ORC5: variants seen among roughly 807,000 people sequenced by gnomAD.
ORC5 encodes the protein protein phosphatase 1, regulatory subunit 117.
A neutral mutation model predicts 58.8 loss-of-function variants in ORC5; 39 were observed. That is an observed-to-expected ratio of 0.66 (90% CI 0.51 to 0.87). The LOEUF is 0.87. Among genes scored for constraint, ORC5 ranks in the 40% least tolerant of loss-of-function variants. The pLI is 0.00. For synonymous variants in ORC5, 218 were observed against 177.6 expected, an observed-to-expected ratio of 1.23 and a Z score of -1.81; for missense variants, 493 against 506.3, an observed-to-expected ratio of 0.97 and a Z score of 0.25.
Position 104,136,699 on chromosome 7 carries a change from A to T in ORC5, c.1262+82T>A. 1 of 850,198 alleles carries T rather than the reference A, an allele frequency of 1.2e-6. No individual in the cohort carries two copies. Among genetic ancestry groups the T allele is most frequent in the Non-Finnish European group, 1.9e-6 (1 of 518,366 alleles). The allele number at this position is 850,198 out of a possible 1,614,324, so 52.7% of individuals were successfully genotyped here. On this transcript the variant is annotated intron_variant, in intron 13 of 13. Coordinates refer to ENST00000297431, the MANE Select transcript of ORC5 (RefSeq NM_002553.4). The surrounding 1 kb of genome is among the most constrained non-coding windows in gnomAD (Gnocchi z 4.2). ...TAAATAGATGATTTTTTCATGTTTA[A>T]ATGTCATGACTAATGACATCACATT...
rs375969392 is a variant in ORC5, at chr7:104,200,928, A to G, written c.196T>C (p.Cys66Arg). ...TCCAAAAGCAGCCTCAATGTAAAGCATTCAACACAATTCACAAACACATGT... is the reference window on the plus strand; with the variant it reads ...TCCAAAAGCAGCCTCAATGTAAAGCGTTCAACACAATTCACAAACACATGT... ...LPHVFVNCVE[C>R]FTLRLLLEQI... The change falls in exon 3 of 14, where the codon TGC becomes CGC. Residue 66 changes from cysteine to arginine, a missense_variant. Coordinates refer to ENST00000297431, the MANE Select transcript of ORC5 (RefSeq NM_002553.4). The G allele has an allele frequency of 5.0e-6, 8 of 1,613,448 alleles. No individual in the cohort carries two copies. Among genetic ancestry groups the G allele is most frequent in the Non-Finnish European group, 6.8e-6 (8 of 1,179,518 alleles).
In ORC5 at chr7:104,195,140, T is replaced by C. The variant is rs747552136; in HGVS notation, c.553+3A>G. 7.4e-6 allele frequency: 11 copies of C among 1,487,856 alleles called. No individual in the cohort carries two copies. The highest frequency in any genetic ancestry group is 2.2e-5 in the Admixed American group (1 of 45,344). The allele number at this position is 1,487,856 out of a possible 1,614,324, so 92.2% of individuals were successfully genotyped here. Reference sequence around the variant, plus strand: ...TTTGCCAAAACAATGTTTTAAGGTTTACCTATGCTGTAATCAGGGAAATAT... The same window carrying C: ...TTTGCCAAAACAATGTTTTAAGGTTCACCTATGCTGTAATCAGGGAAATAT... On this transcript the variant is annotated splice_donor_region_variant and intron_variant, in intron 5 of 13. Transcript: ENST00000297431.
chr7:104,136,331 C>T lies in ORC5; in HGVS notation c.1262+450G>A, dbSNP rs1368746570. 6.6e-6 allele frequency among the ~76,000 whole-genome samples: 1 copy of T among 152,026 alleles called. No homozygotes were observed. Among genetic ancestry groups the T allele is most frequent in the Non-Finnish European group, 1.5e-5 (1 of 68,008 alleles). ...CACAGCACAGCACACTAGATTTGAT[C>T]TGCCTGTGACAACGCACAGTAGAAT... On this transcript the variant is annotated intron_variant, in intron 13 of 13. Transcript: ENST00000297431. The surrounding 1 kb of genome is among the most constrained non-coding windows in gnomAD (Gnocchi z 4.2).
chr7:104,184,775 T>C (rs1047257548), intron 6 of ORC5, among the ~76,000 whole-genome samples: 11 of 152,124 alleles, frequency 7.2e-5, no homozygotes, highest in Non-Finnish European at 1.5e-4. Flanking sequence ...ACCCCCCACC[T>C]TGGATCTAGG....
intron 9 of ORC5, among the ~76,000 whole-genome samples, chr7:104,167,343 T>C (rs1185392361): frequency 6.6e-6 from 1 of 152,194 alleles, no homozygotes; most frequent in Non-Finnish European, 1.5e-5. Context: ...AGAATACTTG[T>C]ATATGCCAGT....
intron 6 of ORC5, among the ~76,000 whole-genome samples, chr7:104,186,343 G>A (rs974973183): frequency 2.0e-5 from 3 of 152,124 alleles, no homozygotes; most frequent in African/African-American, 7.2e-5. Context: ...CAGGGTTTGA[G>A]TGTGCTAGGA....
chr7:104,147,985 T>C (rs1798788493), intron 12 of ORC5, among the ~76,000 whole-genome samples: 1 of 152,110 alleles, frequency 6.6e-6, no homozygotes, highest in East Asian at 1.9e-4. Flanking sequence ...TAGCAGAGGA[T>C]ATGGACAAAA....
chr7:104,199,861 T>C (rs1371980767), intron 3 of ORC5, among the ~76,000 whole-genome samples: 3 of 152,154 alleles, frequency 2.0e-5, no homozygotes, highest in Non-Finnish European at 4.4e-5. Flanking sequence ...CCAAATCTCA[T>C]CTTAACTTGT....
At position 104,168,510 on chromosome 7, in the gene ORC5, C is replaced by T. The variant is rs768636841; in HGVS notation, c.840G>A (p.Lys280=). ...LREISSSQWE[K]LQKDDTDPGQ... ...CCGGATCTGTGTCATCTTTCTGTAGCTTTTCCCACTGGGAACTGAAAAAAA... is the reference window on the plus strand; with the variant it reads ...CCGGATCTGTGTCATCTTTCTGTAGTTTTTCCCACTGGGAACTGAAAAAAA... Residue 280 remains lysine, a synonymous_variant, in exon 9 of 14, where the codon AAG becomes AAA. Transcript: ENST00000297431. 3 of 1,570,398 alleles carry T rather than the reference C, an allele frequency of 1.9e-6. No homozygotes were observed.
chr7:104,126,972 C>T, intron 13 of ORC5, 79 bp from the exon 14 acceptor site: 2 of 948,226 alleles, frequency 2.1e-6, no homozygotes, highest in South Asian at 1.6e-5. Flanking sequence ...AAAGCACATG[C>T]AAAATAATTC....
At chr7:104,134,229 C>A (rs1798554815) in intron 13 of ORC5, among the ~76,000 whole-genome samples, 1 of 151,778 alleles carries the variant, frequency 6.6e-6, no homozygotes, top group South Asian at 2.1e-4. Flanking sequence ...TCAAGACCAG[C>A]CTGGCCAACA....
chr7:104,147,437 T>G lies in ORC5; in HGVS notation c.1150-10544A>C, dbSNP rs77358992. Among the ~76,000 whole-genome samples the G allele has an allele frequency of 3.0e-3, 457 of 152,342 alleles. 3 individuals are homozygous for G. The highest frequency in any genetic ancestry group is 9.9e-3 in the African/African-American group (410 of 41,584). Reference sequence around the variant, plus strand: ...TAAAAGTTCTGTTTTTATTTGTTTGTTTTGGGGCTATAAAAGCCAACTGCA... The same window carrying G: ...TAAAAGTTCTGTTTTTATTTGTTTGGTTTGGGGCTATAAAAGCCAACTGCA... On this transcript the variant is annotated intron_variant, in intron 12 of 13. Transcript: ENST00000297431.
intron 8 of ORC5, among the ~76,000 whole-genome samples, chr7:104,173,838 ATTTTTTC>A (rs565005850): frequency 0.038 from 4,624 of 122,702 alleles, 254 homozygotes; most frequent in African/African-American, 0.12. Context: ...TGGGTTTAAA[ATTTTTTC>A]TTTTTTTTTT....
rs61756141 is a variant in ORC5 at position 104,126,891 on chromosome 7, G to A, written c.1265C>T (p.Thr422Met). Residue 422 changes from threonine (T) to methionine (M), a missense_variant and splice_region_variant, in exon 14 of 14, where the codon ACG becomes ATG. This residue lies in a region of ORC5 where 77 missense variants were observed against 86.1 expected (regional missense o/e 0.89). Transcript: ENST00000297431. ...SLDFIRAIARTVNFDIIKYLY... is the reference protein window; with the variant it reads ...SLDFIRAIARMVNFDIIKYLY... The stretch of plus-strand genomic sequence containing the variant: ...GTATTTTATTATGTCAAAGTTCACC[G>A]TCCTAAAAACAAAAACAGATAATAT... 4,164 of 1,603,540 alleles carry A rather than the reference G, an allele frequency of 2.6e-3. 10 individuals are homozygous for A. Among genetic ancestry groups the A allele is most frequent in the Non-Finnish European group, 3.1e-3 (3,656 of 1,171,802 alleles).
At position 104,207,188 on chromosome 7, in the gene ORC5, C is replaced by A. The variant is rs138550948; in HGVS notation, c.72+645G>T. ...ACATCAAAGACCACCAGAAAATAGT[C>A]AAAAATAGGTTAAATTTTGAATTGG... On this transcript the variant is annotated intron_variant, in intron 1 of 13. Coordinates refer to ENST00000297431, the MANE Select transcript of ORC5 (RefSeq NM_002553.4). Among the ~76,000 whole-genome samples, 7 of 152,070 alleles carry A rather than the reference C, an allele frequency of 4.6e-5. No individual in the cohort carries two copies. In the East Asian group the frequency reaches 1.2e-3, roughly 25 times the overall value.
At chr7:104,197,696 G>A (rs780712481) in intron 4 of ORC5, 29 bp downstream of exon 4, 11 of 1,475,910 alleles carry the variant, frequency 7.5e-6, no homozygotes, top group African/African-American at 1.4e-5. Flanking sequence ...TTAAGTTGTG[G>A]GGAGAAAGCA....
At chr7:104,197,129 G>A (rs1269929465) in intron 4 of ORC5, among the ~76,000 whole-genome samples, 1 of 152,112 alleles carries the variant, frequency 6.6e-6, no homozygotes, top group East Asian at 1.9e-4. Context: ...GACTTTAAGT[G>A]CAACATATAA....
At position 104,129,245 on chromosome 7, in the gene ORC5, A is replaced by G. The variant is rs1203805030; in HGVS notation, c.1263-2352T>C. On this transcript the variant is annotated intron_variant, in intron 13 of 13. Transcript: ENST00000297431. This position sits in a 1 kb window ranked among gnomAD's most constrained non-coding sequence, Gnocchi z 4.9. ...TTAGAATAGTTTGTACAATAAATAA[A>G]TAACAGAACAGACTTAATAGAATGA... Among the ~76,000 whole-genome samples the G allele has an allele frequency of 6.6e-6, 1 of 152,220 alleles. No individual in the cohort carries two copies. Among genetic ancestry groups the G allele is most frequent in the Non-Finnish European group, 1.5e-5 (1 of 68,032 alleles).
At chr7:104,163,216 C>A (rs1379828211) in intron 11 of ORC5, among the ~76,000 whole-genome samples, 1 of 152,182 alleles carries the variant, frequency 6.6e-6, no homozygotes, top group Non-Finnish European at 1.5e-5. Context: ...CTCTGACACA[C>A]AAGAAGACTA....
Sources: allele counts gnomAD v4.1 joint callset (sites outside exome capture counted in the v4.1 genomes callset), GRCh38; gene constraint gnomAD v4.1.1; regional missense constraint gnomAD v4.1.1; non-coding constraint Gnocchi (gnomAD v3.1); transcripts MANE v1.5; gene names NCBI Gene and HGNC (gene_info 2026-07-23, HGNC 2026-07-21).